The following ACSS3 variants were observed in gnomAD, a reference collection of about 807,000 sequenced individuals.
The protein encoded by ACSS3 is acyl-CoA synthetase short-chain family member 3, mitochondrial.
In ACSS3, 64 loss-of-function variants were observed where a neutral mutation model predicts 84.2. The observed-to-expected ratio is 0.76, with a 90% CI of 0.62 to 0.94. The LOEUF (loss-of-function observed/expected upper bound fraction) is 0.94, where lower values mean the gene tolerates loss of function less well. Ranked by LOEUF, ACSS3 falls within the 40% of genes least tolerant of loss-of-function variation. The pLI is 0.00. For missense variants in ACSS3, 815 were observed against 867.6 expected (o/e 0.94, Z 0.76); for synonymous variants, 317 against 310.1 (o/e 1.02, Z -0.23).
chr12:81,256,060 G>C lies in ACSS3; in HGVS notation c.*1138G>C, dbSNP rs527484291. The C allele has an allele frequency of 1.3e-5, 2 of 152,272 alleles. No individual in the cohort carries two copies. Among genetic ancestry groups the C allele is most frequent in the East Asian group, 3.9e-4 (2 of 5,168 alleles). The allele number at this position is 152,272 out of a possible 1,614,324, so 9.4% of individuals were successfully genotyped here. A position where few individuals can be genotyped will look rare whatever the true frequency, so the allele number is the denominator to read the frequency against. On this transcript the variant is annotated 3_prime_UTR_variant, in exon 16 of 16. Coordinates refer to ENST00000548058, the MANE Select transcript of ACSS3 (RefSeq NM_024560.4). The stretch of plus-strand genomic sequence containing the variant: ...TAAAGACAAGAAGGTTTCTAGGCAG[G>C]TAGTGTAATGTCTAGGTGATTTTGA...
intron 8 of ACSS3, among the ~76,000 whole-genome samples, chr12:81,188,021 C>T (rs1325497191): frequency 1.3e-5 from 2 of 151,866 alleles, no homozygotes; most frequent in African/African-American, 4.8e-5. Context: ...AATAGGATAC[C>T]TCTAAAGGGA....
chr12:81,155,290 A>G (rs546272585), intron 7 of ACSS3, among the ~76,000 whole-genome samples: 9 of 151,896 alleles, frequency 5.9e-5, no homozygotes, highest in East Asian at 1.9e-4. Context: ...TCTTTGCTCT[A>G]TTTTCTTATT....
At chr12:81,166,635 T>C (rs1185027072) in intron 7 of ACSS3, among the ~76,000 whole-genome samples, 1 of 152,238 alleles carries the variant, frequency 6.6e-6, no homozygotes, top group Non-Finnish European at 1.5e-5. Context: ...GAGAAAAGAC[T>C]GATAAGACAA....
intron 7 of ACSS3, among the ~76,000 whole-genome samples, chr12:81,156,206 A>ACACAC (rs1555176593): frequency 1.7e-5 from 2 of 120,228 alleles, no homozygotes; most frequent in African/African-American, 5.3e-5. Flanking sequence ...ACACACACAC[A>ACACAC]CCCCACACAC....
At chr12:81,194,803 A>G (rs1234291906) in intron 8 of ACSS3, among the ~76,000 whole-genome samples, 1 of 151,976 alleles carries the variant, frequency 6.6e-6, no homozygotes, top group Non-Finnish European at 1.5e-5. Flanking sequence ...ATGGTTTATT[A>G]TTATAATCAC....
intron 8 of ACSS3, among the ~76,000 whole-genome samples, chr12:81,185,111 G>C (rs938504824): frequency 1.3e-5 from 2 of 151,710 alleles, no homozygotes; most frequent in Admixed American, 1.3e-4. Context: ...CACATTAACA[G>C]GATCATCATA....
intron 1 of ACSS3, among the ~76,000 whole-genome samples, chr12:81,108,274 A>ATTC (rs1282145630): frequency 7.3e-5 from 9 of 123,920 alleles, no homozygotes; most frequent in Non-Finnish European, 1.5e-4. Context: ...AATTATTATT[A>ATTC]TTATTATTAT....
intron 1 of ACSS3, among the ~76,000 whole-genome samples, chr12:81,107,348 T>A (rs537989581): frequency 7.1e-4 from 108 of 151,634 alleles, no homozygotes; most frequent in African/African-American, 2.5e-3. Context: ...AAGCCCCTTT[T>A]TTGGGTAAAA....
intron 2 of ACSS3, among the ~76,000 whole-genome samples, chr12:81,120,291 G>A (rs1055888609): frequency 3.3e-5 from 5 of 152,272 alleles, no homozygotes; most frequent in African/African-American, 1.2e-4. Context: ...AAGGAGACAG[G>A]CAGTCTAAGT....
chr12:81,078,548 T>C, intron 1 of ACSS3, 117 bp downstream of exon 1: 2 of 1,144,334 alleles, frequency 1.7e-6, no homozygotes. Context: ...AAACTGGAGA[T>C]GTGTTCAGAC....
chr12:81,078,340 G>C lies in ACSS3; in HGVS notation c.220G>C (p.Glu74Gln). ...CTTCGCAGCCTCGGTGACCGACCCCGAGAGGTTCTGGGGCAAAGCTGCCGA... is the reference window on the plus strand; with the variant it reads ...CTTCGCAGCCTCGGTGACCGACCCCCAGAGGTTCTGGGGCAAAGCTGCCGA... ...THFAASVTDP[E>Q]RFWGKAAEQI... is the part of the protein sequence containing the mutation. The change falls in exon 1 of 16, where the codon GAG becomes CAG. Residue 74 changes from glutamate (E) to glutamine (Q), a missense_variant. Transcript: ENST00000548058. 1 of 1,612,628 alleles carries C rather than the reference G, an allele frequency of 6.2e-7. No homozygotes were observed.
At position 81,253,641 on chromosome 12, in the gene ACSS3, T is replaced by C. The variant is rs767752289; in HGVS notation, c.1966T>C (p.Ser656Pro). 1 of 1,613,796 alleles carries C rather than the reference T, an allele frequency of 6.2e-7. No homozygotes were observed. Among genetic ancestry groups the C allele is most frequent in the Non-Finnish European group, 8.5e-7 (1 of 1,179,786 alleles). ...RSGKIPRSAL[S>P]AIVNGKPYKI... is the part of the protein sequence containing the mutation. ...TGGCAAGATCCCCCGATCAGCTTTA[T>C]CTGCCATTGTCAATGGCAAGCCATA... The change falls in exon 15 of 16, where the codon TCT becomes CCT. Residue 656 changes from serine (S) to proline (P), a missense_variant. Transcript: ENST00000548058.
Position 81,078,345 on chromosome 12 carries a change from G to T in ACSS3, c.225G>T (p.Arg75Ser), listed in dbSNP as rs753268680. 2 of 1,612,546 alleles carry T rather than the reference G, an allele frequency of 1.2e-6. No individual in the cohort carries two copies. The highest frequency in any genetic ancestry group is 1.7e-6 in the Non-Finnish European group (2 of 1,180,000). ...CAGCCTCGGTGACCGACCCCGAGAGGTTCTGGGGCAAAGCTGCCGAGCAGA... is the reference window on the plus strand; with the variant it reads ...CAGCCTCGGTGACCGACCCCGAGAGTTTCTGGGGCAAAGCTGCCGAGCAGA... ...HFAASVTDPE[R>S]FWGKAAEQIS... The change falls in exon 1 of 16, where the codon AGG (arginine) becomes AGT (serine). Residue 75 changes from arginine to serine, a missense_variant. Arg to Ser is a moderately radical substitution (Grantham distance 110, BLOSUM62 -1). Transcript: ENST00000548058.
chr12:81,251,282 G>A (rs145074638), intron 13 of ACSS3, among the ~76,000 whole-genome samples: 16 of 152,204 alleles, frequency 1.1e-4, no homozygotes, highest in Admixed American at 2.6e-4. Flanking sequence ...ACTATTCTGC[G>A]TGATACTATA....
chr12:81,130,655 G>T (rs1315411105), intron 2 of ACSS3, among the ~76,000 whole-genome samples: 10 of 152,076 alleles, frequency 6.6e-5, no homozygotes, highest in Non-Finnish European at 1.5e-4. Context: ...GTCTATTTTG[G>T]CTTTTGTTGT....
chr12:81,143,434 C>T (rs1318577478), intron 5 of ACSS3, 187 bp downstream of exon 5: 1 of 420,062 alleles, frequency 2.4e-6, no homozygotes, highest in African/African-American at 2.0e-5. Context: ...GACACAGTTA[C>T]TCCATATCTT....
In ACSS3 at chr12:81,143,174, A is replaced by G. The variant is rs751985320; in HGVS notation, c.848A>G (p.His283Arg). The G allele has an allele frequency of 1.2e-5, 19 of 1,613,688 alleles. No individual in the cohort carries two copies. The Middle Eastern group carries it at 6.6e-4, about 56-fold the overall frequency. ...WDEEMAKAQSHDCVPVLSEHP... is the reference protein window; with the variant it reads ...WDEEMAKAQSRDCVPVLSEHP... ...GAAGAGATGGCAAAAGCCCAGTCACATGACTGTGTTCCTGTTCTTTCAGAA... is the reference window on the plus strand; with the variant it reads ...GAAGAGATGGCAAAAGCCCAGTCACGTGACTGTGTTCCTGTTCTTTCAGAA... Residue 283 changes from histidine to arginine, a missense_variant, in exon 5 of 16, where the codon CAT becomes CGT. Physicochemically the swap from His to Arg is conservative, Grantham distance 29. Coordinates refer to ENST00000548058, the MANE Select transcript of ACSS3 (RefSeq NM_024560.4).
chr12:81,189,051 C>G (rs1388432995), intron 8 of ACSS3, among the ~76,000 whole-genome samples: 1 of 152,024 alleles, frequency 6.6e-6, no homozygotes, highest in Admixed American at 6.6e-5. Flanking sequence ...TAGCCTTTGG[C>G]CAATACCTCC....
chr12:81,144,073 T>A (rs201848817), intron 5 of ACSS3, among the ~76,000 whole-genome samples: 8 of 152,210 alleles, frequency 5.3e-5, no homozygotes, highest in African/African-American at 1.9e-4. Flanking sequence ...GCTTCTTTAT[T>A]ACTGTTAGAT....
Sources: allele counts gnomAD v4.1 joint callset (sites outside exome capture counted in the v4.1 genomes callset), GRCh38; gene constraint gnomAD v4.1.1; transcripts MANE v1.5; gene names NCBI Gene and HGNC (gene_info 2026-07-23, HGNC 2026-07-21).